The following CDR2L variants were observed in gnomAD, a reference collection of about 807,000 sequenced individuals.
CDR2L encodes cerebellar degeneration related protein 2 like, also known as cerebellar degeneration-related protein 2-like.
A neutral mutation model predicts 36.1 loss-of-function variants in CDR2L; 19 were observed. That is an observed-to-expected ratio of 0.53 (90% CI 0.37 to 0.77). The LOEUF (loss-of-function observed/expected upper bound fraction) is 0.77. CDR2L is among the 30% of genes least tolerant of loss of function. The probability of loss-of-function intolerance (pLI) is 0.00; values close to 1 mark genes in which losing one functional copy is unlikely to be tolerated. For missense variants in CDR2L, 575 were observed against 627.2 expected (o/e 0.92, Z 0.89); for synonymous variants, 285 against 280.4 (o/e 1.02, Z -0.16).
chr17:74,999,519 C>T lies in CDR2L; in HGVS notation c.95C>T (p.Ala32Val), dbSNP rs749787561. 2 of 1,575,796 alleles carry T rather than the reference C, an allele frequency of 1.3e-6. No individual in the cohort carries two copies. Among genetic ancestry groups the T allele is most frequent in the Non-Finnish European group, 1.7e-6 (2 of 1,160,634 alleles). ...QDLEQDLHLAAELGKTLLERN... is the reference protein window; with the variant it reads ...QDLEQDLHLAVELGKTLLERN... ...CCTATCCTAGACTTGCACCTAGCTG[C>T]GGAGCTGGGGAAGACTCTGCTGGAG... The change falls in exon 2 of 5, where the codon GCG (alanine) becomes GTG (valine). Residue 32 changes from alanine to valine, a missense_variant. Physicochemically the swap from Ala to Val is moderately conservative, Grantham distance 64. Transcript: ENST00000337231.
intron 1 of CDR2L, among the ~76,000 whole-genome samples, chr17:74,993,030 A>G (rs1354580672): frequency 6.6e-6 from 1 of 152,232 alleles, no homozygotes; most frequent in Non-Finnish European, 1.5e-5. Flanking sequence ...AGGTAGAATC[A>G]GTAGCAATGG....
chr17:75,002,802 A>C lies in CDR2L; in HGVS notation c.507-381A>C, dbSNP rs1156369209. 2.6e-5 allele frequency among the ~76,000 whole-genome samples: 4 copies of C among 152,134 alleles called. No individual in the cohort carries two copies. The highest frequency in any genetic ancestry group is 1.5e-5 in the Non-Finnish European group (1 of 68,016). Reference sequence around the variant, plus strand: ...CCACCAGCCCTAGGCCTCAAAGCGCAAGGGGGAAGGGAGGTTACCGGCACC... The same window carrying C: ...CCACCAGCCCTAGGCCTCAAAGCGCCAGGGGGAAGGGAGGTTACCGGCACC... On this transcript the variant is annotated intron_variant, in intron 4 of 4. Coordinates refer to ENST00000337231, the MANE Select transcript of CDR2L (RefSeq NM_014603.3). The surrounding 1 kb of genome is among the most constrained non-coding windows in gnomAD (Gnocchi z 4.1).
chr17:75,000,796 C>T (rs138680333), intron 2 of CDR2L, among the ~76,000 whole-genome samples: 3,007 of 149,642 alleles, frequency 0.02, 72 homozygotes, highest in African/African-American at 0.061. Context: ...CACCAGTAGT[C>T]CCAGCTACTC....
Position 75,005,323 on chromosome 17 carries a change from A to G in CDR2L, c.*1249A>G, listed in dbSNP as rs8080362. 0.062 allele frequency: 9,468 copies of G among 152,744 alleles called. 458 individuals carry two copies. Among genetic ancestry groups the G allele is most frequent in the African/African-American group, 0.14 (5,779 of 41,514 alleles). 9.5% of individuals were successfully genotyped at this position (152,744 alleles called of 1,614,324 possible). A position where few individuals can be genotyped will look rare whatever the true frequency, so the allele number is the denominator to read the frequency against. ...CCCAGCTTGCCCTGAGCAGCCCTTC[A>G]GGGCTTCTGGTTCCTTCTGCCGCCC... On this transcript the variant is annotated 3_prime_UTR_variant, in exon 5 of 5. Coordinates refer to ENST00000337231, the MANE Select transcript of CDR2L (RefSeq NM_014603.3). The surrounding 1 kb of genome is among the most constrained non-coding windows in gnomAD (Gnocchi z 4.2).
At chr17:74,996,055 G>C (rs575140661) in intron 1 of CDR2L, among the ~76,000 whole-genome samples, 117 of 151,664 alleles carry the variant, frequency 7.7e-4, no homozygotes, top group African/African-American at 2.8e-3. Flanking sequence ...CTCATTTAAA[G>C]TGTGCAACTC....
intron 4 of CDR2L, 35 bp from the exon 5 acceptor site, chr17:75,003,148 G>A (rs759943400): frequency 1.9e-6 from 3 of 1,547,880 alleles, no homozygotes; most frequent in Admixed American, 2.0e-5. Flanking sequence ...CCTCTCCTCC[G>A]CCCCCACCCC....
At chr17:75,000,335 T>TC (rs1249119410) in intron 2 of CDR2L, among the ~76,000 whole-genome samples, 2 of 140,420 alleles carry the variant, frequency 1.4e-5, no homozygotes, top group African/African-American at 2.6e-5. Context: ...TCTCACTCTG[T>TC]CACCCAGGCT....
chr17:75,004,067 G>A lies in CDR2L; in HGVS notation c.1391G>A (p.Ser464Asn), dbSNP rs1246660403. ...INATKVKTHS[S>N]K is the part of the protein sequence containing the mutation. Reference sequence around the variant, plus strand: ...GCCACCAAAGTCAAGACGCACAGCAGCAAGTGACCCTTCTCCGGCCTGCAG... The same window carrying A: ...GCCACCAAAGTCAAGACGCACAGCAACAAGTGACCCTTCTCCGGCCTGCAG... Residue 464 changes from serine (S) to asparagine (N), a missense_variant, in exon 5 of 5, where the codon AGC becomes AAC. By Grantham distance (46) the Ser-to-Asn change is conservative (BLOSUM62 1). Transcript: ENST00000337231. The A allele has an allele frequency of 6.2e-7, 1 of 1,605,406 alleles. No individual in the cohort carries two copies.
At chr17:74,993,084 T>C (rs1034593507) in intron 1 of CDR2L, among the ~76,000 whole-genome samples, 1 of 152,216 alleles carries the variant, frequency 6.6e-6, no homozygotes, top group African/African-American at 2.4e-5. Context: ...GGAAAACATT[T>C]AGGAGAGTAG....
At position 74,989,120 on chromosome 17, in the gene CDR2L, T is replaced by A. The variant is rs2039780791; in HGVS notation, c.79+998T>A. Among the ~76,000 whole-genome samples, 2 of 152,202 alleles carry A rather than the reference T, an allele frequency of 1.3e-5. No homozygotes were observed. The highest frequency in any genetic ancestry group is 4.8e-5 in the African/African-American group (2 of 41,462). ...AAGTCTGCTGCAGTTTGTGCCATTGTGGCCTGCTGTGGTGTGCCCACACCC... is the reference window on the plus strand; with the variant it reads ...AAGTCTGCTGCAGTTTGTGCCATTGAGGCCTGCTGTGGTGTGCCCACACCC... On this transcript the variant is annotated intron_variant, in intron 1 of 4. Coordinates refer to ENST00000337231, the MANE Select transcript of CDR2L (RefSeq NM_014603.3). This position sits in a 1 kb window ranked among gnomAD's most constrained non-coding sequence, Gnocchi z 4.2.
In CDR2L at chr17:75,004,359, C is replaced by T. The variant is rs2039890694; in HGVS notation, c.*285C>T. 1.4e-5 allele frequency: 5 copies of T among 364,620 alleles called. No homozygotes were observed. The South Asian group carries it at 3.1e-4, about 22-fold the overall frequency. The allele number at this position is 364,620 out of a possible 1,614,324, so 22.6% of individuals were successfully genotyped here. ...ATCCCCCAGCTCCCCCAGCCCCTGG[C>T]TTCCTGACCCTGCGCCTCACCCTCA... On this transcript the variant is annotated 3_prime_UTR_variant, in exon 5 of 5. Coordinates refer to ENST00000337231, the MANE Select transcript of CDR2L (RefSeq NM_014603.3).
intron 1 of CDR2L, among the ~76,000 whole-genome samples, chr17:74,988,588 C>G (rs540546726): frequency 6.6e-6 from 1 of 152,176 alleles, no homozygotes; most frequent in Non-Finnish European, 1.5e-5. Flanking sequence ...ATTATGAGCT[C>G]TAAGACTCCT....
chr17:74,999,757 C>G, intron 2 of CDR2L, 141 bp downstream of exon 2: 1 of 560,946 alleles, frequency 1.8e-6, no homozygotes, highest in East Asian at 3.0e-5. Context: ...ACTGTGCTAT[C>G]CTGTACAAGG....
chr17:74,999,325 CAA>C (rs1555635972), intron 1 of CDR2L, among the ~76,000 whole-genome samples, 177 bp from the exon 2 acceptor site: 1 of 150,976 alleles, frequency 6.6e-6, no homozygotes, highest in African/African-American at 2.4e-5. Context: ...CAGACACACA[CAA>C]AAAGAACATT....
At chr17:74,999,739 A>C in intron 2 of CDR2L, 123 bp downstream of exon 2, 1 of 597,436 alleles carries the variant, frequency 1.7e-6, no homozygotes, top group South Asian at 2.0e-5. Flanking sequence ...AGCCTGGTAC[A>C]GTTCACAACT....
chr17:74,988,242 CGGA>C, intron 1 of CDR2L, 120 bp downstream of exon 1: 1 of 598,708 alleles, frequency 1.7e-6, no homozygotes. Flanking sequence ...GCGCCCGACT[CGGA>C]GGAGGGACGC....
rs2039891900 is a variant in CDR2L, at chr17:75,004,508, A to G, written c.*434A>G. The G allele has an allele frequency of 6.3e-6, 1 of 157,902 alleles. No individual in the cohort carries two copies. The highest frequency in any genetic ancestry group is 1.4e-5 in the Non-Finnish European group (1 of 71,926). 9.8% of individuals were successfully genotyped at this position (157,902 alleles called of 1,614,324 possible). On this transcript the variant is annotated 3_prime_UTR_variant, in exon 5 of 5. Transcript: ENST00000337231. ...CTCCTTGACCCCTTGCCACAACTGG[A>G]AACACTTGAAAGGGGACCCCAGGGC...
At chr17:74,996,845 G>A (rs1445335005) in intron 1 of CDR2L, among the ~76,000 whole-genome samples, 4 of 152,084 alleles carry the variant, frequency 2.6e-5, no homozygotes, top group East Asian at 1.9e-4. Context: ...CCAGGAGCCC[G>A]ATACCTGAAT....
intron 1 of CDR2L, among the ~76,000 whole-genome samples, chr17:74,993,234 C>T (rs559286678): frequency 2.0e-5 from 3 of 152,214 alleles, no homozygotes; most frequent in Non-Finnish European, 4.4e-5. Flanking sequence ...GCTCCTGAGT[C>T]CTGAGTTACT....
Sources: gnomAD v4.1 joint callset for allele counts (sites outside exome capture counted in the v4.1 genomes callset) on GRCh38, gnomAD v4.1.1 for gene constraint, Gnocchi (gnomAD v3.1) non-coding constraint, MANE v1.5 for transcripts, NCBI Gene and HGNC (gene_info 2026-07-23, HGNC 2026-07-21) for gene names.